DNAH3: variants seen among roughly 807,000 people sequenced by gnomAD.
DNAH3 encodes the protein dynein axonemal heavy chain 3, also known as axonemal beta dynein heavy chain 3.
Under a neutral mutation model 432.5 loss-of-function variants are expected in DNAH3, and 332 were observed. The ratio of observed to expected loss-of-function variants is 0.77; its 90% CI spans 0.70 to 0.84. The LOEUF (loss-of-function observed/expected upper bound fraction) is 0.84. DNAH3 is among the 40% of genes least tolerant of loss of function. The probability of loss-of-function intolerance (pLI) is 0.00; values close to 1 mark genes in which losing one functional copy is unlikely to be tolerated. For missense variants in DNAH3, 4,861 were observed against 5,114.0 expected, an observed-to-expected ratio of 0.95 and a Z score of 1.51; for synonymous variants, 1,956 against 1,900.2, an observed-to-expected ratio of 1.03 and a Z score of -0.76.
intron 56 of DNAH3, 103 bp from the exon 57 acceptor site, chr16:20,948,740 G>A: frequency 7.7e-7 from 1 of 1,296,756 alleles, no homozygotes; most frequent in South Asian, 1.4e-5. Flanking sequence ...GATCTCTGCT[G>A]GGACATAGTG....
chr16:20,964,310 G>A lies in DNAH3; in HGVS notation c.9574C>T (p.Leu3192Phe). ...CCCAAGGGGGTGATCATGAAGTTGA[G>A]GAGACAGACCTTCACGGCAACTTCT... is the stretch of plus-strand genomic sequence containing the variant. The change falls in exon 53 of 62, where the codon CTC (leucine) becomes TTC (phenylalanine). Residue 3192 changes from leucine to phenylalanine, a missense_variant. By Grantham distance (22) the Leu-to-Phe change is conservative. Transcript: ENST00000261383. 13 of 1,614,184 alleles carry A rather than the reference G, an allele frequency of 8.1e-6. No homozygotes were observed. Among genetic ancestry groups the A allele is most frequent in the Non-Finnish European group, 9.3e-6 (11 of 1,180,040 alleles).
chr16:21,059,521 T>A (rs527618324), intron 26 of DNAH3, among the ~76,000 whole-genome samples: 1 of 152,228 alleles, frequency 6.6e-6, no homozygotes, highest in East Asian at 1.9e-4. Context: ...ATGCCTGTAA[T>A]CCCAGCACTT....
chr16:21,069,699 G>T, intron 22 of DNAH3, 105 bp from the exon 23 acceptor site: 1 of 1,003,186 alleles, frequency 1.0e-6, no homozygotes, highest in Non-Finnish European at 1.5e-6. Context: ...CATTCATTCA[G>T]TCTGTCACTT....
Position 21,104,477 on chromosome 16 carries a change from A to G in DNAH3, c.2360T>C (p.Ile787Thr). The G allele has an allele frequency of 6.2e-7, 1 of 1,613,720 alleles. No homozygotes were observed. The highest frequency in any genetic ancestry group is 8.5e-7 in the Non-Finnish European group (1 of 1,179,680). Residue 787 changes from isoleucine to threonine, a missense_variant, in exon 16 of 62, where the codon ATT becomes ACT. Ile to Thr is a moderately conservative substitution (Grantham distance 89). Coordinates refer to ENST00000261383, the Ensembl canonical transcript of DNAH3. Reference sequence around the variant, plus strand: ...TCCCAGACTCTCCCGGTACCTTTTAATCAGATCCATTTCTGCCTGATCCCT... The same window carrying G: ...TCCCAGACTCTCCCGGTACCTTTTAGTCAGATCCATTTCTGCCTGATCCCT...
Position 20,947,166 on chromosome 16 carries a change from T to C in DNAH3, c.11343+1317A>G, listed in dbSNP as rs958664094. Among the ~76,000 whole-genome samples the C allele has an allele frequency of 2.0e-5, 3 of 151,960 alleles. No individual in the cohort carries two copies. The East Asian group carries it at 5.8e-4, about 29-fold the overall frequency. Reference sequence around the variant, plus strand: ...GACTCCACCTAGAGAGAGAGGGTGCTGCCCTATACTCTGGGGAATGTCATA... The same window carrying C: ...GACTCCACCTAGAGAGAGAGGGTGCCGCCCTATACTCTGGGGAATGTCATA... On this transcript the variant is annotated intron_variant, in intron 57 of 61. Transcript: ENST00000261383.
intron 1 of DNAH3, chr16:21,158,248 C>T (rs741719): frequency 0.15 from 23,202 of 152,296 alleles, 2,358 homozygotes; most frequent in Non-Finnish European, 0.23. Context: ...TAAAAACTTC[C>T]AGCCAGGGTG....
At chr16:20,967,775 T>A (rs547205084) in intron 52 of DNAH3, among the ~76,000 whole-genome samples, 206 of 152,142 alleles carry the variant, frequency 1.4e-3, no homozygotes, top group African/African-American at 4.8e-3. Flanking sequence ...CCCAAAGTGC[T>A]GGGATTACAG....
chr16:21,064,322 T>G (rs1224951126), intron 24 of DNAH3, among the ~76,000 whole-genome samples: 1 of 152,080 alleles, frequency 6.6e-6, no homozygotes, highest in East Asian at 1.9e-4. Context: ...GACAAGCAAT[T>G]AAGGATGCTG....
intron 23 of DNAH3, among the ~76,000 whole-genome samples, chr16:21,067,695 T>A (rs1393130454): frequency 6.8e-6 from 1 of 146,192 alleles, no homozygotes; most frequent in African/African-American, 2.5e-5. Context: ...CATTCTATAC[T>A]AGTTTGGGCT....
chr16:21,145,847 C>A, intron 2 of DNAH3, 137 bp downstream of exon 3: 1 of 633,126 alleles, frequency 1.6e-6, no homozygotes, highest in East Asian at 2.8e-5. Context: ...GCAAAAGCGA[C>A]CAAAGCTACT....
intron 41 of DNAH3, among the ~76,000 whole-genome samples, chr16:21,010,462 C>T (rs540368781): frequency 2.7e-4 from 41 of 152,198 alleles, no homozygotes; most frequent in African/African-American, 9.4e-4. Context: ...TAAGCACTTT[C>T]GGGACAAATG....
At chr16:21,105,475 C>T (rs2091924687) in intron 15 of DNAH3, among the ~76,000 whole-genome samples, 1 of 152,114 alleles carries the variant, frequency 6.6e-6, no homozygotes. Context: ...ATGAAGATTA[C>T]AGATGGGCGG....
At chr16:21,156,160 T>TTTTTA (rs2092895682) in intron 1 of DNAH3, among the ~76,000 whole-genome samples, 1 of 137,470 alleles carries the variant, frequency 7.3e-6, no homozygotes, top group Non-Finnish European at 1.6e-5. Flanking sequence ...CTGGGAGTTA[T>TTTTTA]TCTTATTTTA....
At chr16:20,963,712 T>A (rs777385834) in exon 53 of DNAH3, 6 of 1,613,826 alleles carry the variant, frequency 3.7e-6, no homozygotes, top group African/African-American at 1.3e-5. Context: ...GTACCACACC[T>A]CCTCCGTAAT....
chr16:21,036,367 G>A (rs985562726), intron 35 of DNAH3, among the ~76,000 whole-genome samples: 1 of 152,038 alleles, frequency 6.6e-6, no homozygotes, highest in Non-Finnish European at 1.5e-5. Flanking sequence ...AACTGATGGA[G>A]TAAGTAAGTG....
exon 6 of DNAH3, chr16:21,136,460 C>T: frequency 1.2e-6 from 2 of 1,614,190 alleles, no homozygotes; most frequent in Non-Finnish European, 1.7e-6. Flanking sequence ...CTTCACCCTC[C>T]TCAGGGGCAA....
chr16:21,020,639 C>T (rs1286602881), intron 40 of DNAH3, among the ~76,000 whole-genome samples: 3 of 150,632 alleles, frequency 2.0e-5, no homozygotes, highest in Admixed American at 6.7e-5. Context: ...CTCCTGACCT[C>T]GTGATCCACC....
chr16:20,946,554 G>A (rs2084052392), intron 57 of DNAH3, among the ~76,000 whole-genome samples: 1 of 152,192 alleles, frequency 6.6e-6, no homozygotes, highest in Admixed American at 6.5e-5. Context: ...GGGTAAGAAA[G>A]AGACTCTTTT....
At chr16:20,971,398 G>T (rs2085336250) in intron 51 of DNAH3, among the ~76,000 whole-genome samples, 1 of 152,126 alleles carries the variant, frequency 6.6e-6, no homozygotes, top group African/African-American at 2.4e-5. Flanking sequence ...GGAGATTAGA[G>T]AAAATTAGCA....
Sources: allele counts gnomAD v4.1 joint callset (sites outside exome capture counted in the v4.1 genomes callset), GRCh38; gene constraint gnomAD v4.1.1; transcripts MANE v1.5; gene names NCBI Gene and HGNC (gene_info 2026-07-23, HGNC 2026-07-21).